The following TINAG variants were observed in gnomAD, a reference collection of about 807,000 sequenced individuals.
TINAG encodes the protein tubulointerstitial nephritis antigen.
TINAG carries 83 observed loss-of-function variants against 72.7 expected under a neutral mutation model. That is an observed-to-expected ratio of 1.14 (90% CI 0.96 to 1.37). The LOEUF is 1.37. Among genes scored for constraint, TINAG ranks in the 40% most tolerant of loss-of-function variants. The pLI is 0.00. For missense variants in TINAG, 685 were observed against 576.6 expected (o/e 1.19, Z -1.93); for synonymous variants, 234 against 189.9 (o/e 1.23, Z -1.91).
chr6:54,371,442 T>C (rs1352131747), intron 9 of TINAG, among the ~76,000 whole-genome samples: 1 of 151,994 alleles, frequency 6.6e-6, no homozygotes, highest in Non-Finnish European at 1.5e-5. Context: ...AAACGTTCTT[T>C]AACTTTTTTA....
chr6:54,347,216 GAATACATA>G (rs985510057), intron 5 of TINAG, 143 bp from the exon 6 acceptor site: 1 of 732,172 alleles, frequency 1.4e-6, no homozygotes. Flanking sequence ...CAACTGTCTG[GAATACATA>G]AATATATTAA....
chr6:54,371,873 G>C (rs944301371), intron 9 of TINAG, among the ~76,000 whole-genome samples: 5 of 151,772 alleles, frequency 3.3e-5, no homozygotes, highest in Non-Finnish European at 7.4e-5. Flanking sequence ...TTCAATTAGG[G>C]AAGGTGATTA....
rs773926586 is a variant in TINAG at position 54,360,839 on chromosome 6, G to GTTTTTTTTTTT, written c.1250+6204_1250+6205insTTTTTTTTTTT. On this transcript the variant is annotated intron_variant, in intron 9 of 10. Coordinates refer to ENST00000259782, the MANE Select transcript of TINAG (RefSeq NM_014464.4). Reference sequence around the variant, plus strand: ...TGGTTTCTTGTGTTTCACAGATACTGTGTTTTTTTTTTTTTTTTTTTTTTT... The same window carrying GTTTTTTTTTTT: ...TGGTTTCTTGTGTTTCACAGATACTGTTTTTTTTTTTTGTTTTTTTTTTTTTTTTTTTTTTT... Among the ~76,000 whole-genome samples, 7 of 16,960 alleles carry GTTTTTTTTTTT rather than the reference G, an allele frequency of 4.1e-4. 1 individual carries two copies. The highest frequency in any genetic ancestry group is 2.3e-3 in the East Asian group (1 of 432). The allele number at this position is 16,960 out of a possible 152,430, so 11.1% of individuals were successfully genotyped here. A position where few individuals can be genotyped will look rare whatever the true frequency, so the allele number is the denominator to read the frequency against.
chr6:54,361,146 C>T (rs551950564), intron 9 of TINAG, among the ~76,000 whole-genome samples: 68 of 151,292 alleles, frequency 4.5e-4, no homozygotes, highest in African/African-American at 1.5e-3. Context: ...ATCAATGGGG[C>T]GTTCTCCCTT....
At chr6:54,372,026 T>G (rs1272920910) in intron 9 of TINAG, among the ~76,000 whole-genome samples, 1 of 120,292 alleles carries the variant, frequency 8.3e-6, no homozygotes, top group Non-Finnish European at 1.7e-5. Flanking sequence ...AGTTTTACCC[T>G]TGTTGCCCAG....
intron 9 of TINAG, among the ~76,000 whole-genome samples, chr6:54,370,561 T>G (rs1763572577): frequency 6.6e-6 from 1 of 152,100 alleles, no homozygotes; most frequent in Non-Finnish European, 1.5e-5. Flanking sequence ...ATCCTGCTAG[T>G]GCTGGAGATA....
chr6:54,351,944 A>T (rs1785275472), intron 8 of TINAG, among the ~76,000 whole-genome samples: 1 of 151,918 alleles, frequency 6.6e-6, no homozygotes, highest in Non-Finnish European at 1.5e-5. Flanking sequence ...TTAGAGTAAC[A>T]GTAAATAATG....
chr6:54,378,760 C>T (rs993836884), intron 9 of TINAG, among the ~76,000 whole-genome samples: 2 of 152,102 alleles, frequency 1.3e-5, no homozygotes, highest in African/African-American at 4.8e-5. Flanking sequence ...GCACCATCCT[C>T]AATGCACCAA....
At chr6:54,322,547 A>G (rs1328535505) in intron 3 of TINAG, among the ~76,000 whole-genome samples, 1 of 152,238 alleles carries the variant, frequency 6.6e-6, no homozygotes. Context: ...AAAGTGAAAT[A>G]ATCTGGAGAA....
chr6:54,337,371 A>G (rs1784891906), intron 4 of TINAG, among the ~76,000 whole-genome samples: 1 of 149,984 alleles, frequency 6.7e-6, no homozygotes, highest in South Asian at 2.1e-4. Context: ...TCCCTGCCTC[A>G]GCCTCCTGAG....
chr6:54,366,277 T>A (rs887365434), intron 9 of TINAG, among the ~76,000 whole-genome samples: 9 of 151,448 alleles, frequency 5.9e-5, no homozygotes, highest in Non-Finnish European at 8.9e-5. Flanking sequence ...TGTGTGTGTG[T>A]GAAAAGGAAA....
At chr6:54,312,044 T>C (rs1271280764) in intron 1 of TINAG, among the ~76,000 whole-genome samples, 2 of 151,040 alleles carry the variant, frequency 1.3e-5, no homozygotes, top group African/African-American at 4.9e-5. Context: ...TTTGTATTGC[T>C]TTTTTTTTGT....
intron 1 of TINAG, among the ~76,000 whole-genome samples, 165 bp from the exon 2 acceptor site, chr6:54,320,414 T>A (rs1784462992): frequency 6.6e-6 from 1 of 152,190 alleles, no homozygotes; most frequent in Non-Finnish European, 1.5e-5. Flanking sequence ...AAGAATTCGA[T>A]ATACACACCT....
At chr6:54,335,028 G>A (rs1472661539) in intron 4 of TINAG, among the ~76,000 whole-genome samples, 1 of 152,068 alleles carries the variant, frequency 6.6e-6, no homozygotes, top group African/African-American at 2.4e-5. Context: ...AAGAAAAGAG[G>A]ACAGACCTTT....
At chr6:54,320,436 T>C in intron 1 of TINAG, 143 bp from the exon 2 acceptor site, 1 of 576,550 alleles carries the variant, frequency 1.7e-6, no homozygotes, top group Non-Finnish European at 3.0e-6. Context: ...GACACAAACC[T>C]GACATGGATT....
At chr6:54,372,729 TATA>T (rs1763660144) in intron 9 of TINAG, among the ~76,000 whole-genome samples, 1 of 2,088 alleles carries the variant, frequency 4.8e-4, no homozygotes, top group Admixed American at 1.1e-3. Flanking sequence ...AATACATACA[TATA>T]TATATATATA....
chr6:54,327,143 A>G (rs1424648791), intron 4 of TINAG: 40 of 1,548,284 alleles, frequency 2.6e-5, no homozygotes, highest in Non-Finnish European at 3.3e-5. Flanking sequence ...TCCTTTAGGA[A>G]TGATTGAATG....
chr6:54,380,394 A>G (rs757160406), intron 9 of TINAG, 132 bp from the exon 10 acceptor site: 3 of 637,722 alleles, frequency 4.7e-6, no homozygotes, highest in Non-Finnish European at 7.8e-6. Context: ...CAATGGTGAT[A>G]TTTCCATTGT....
intron 9 of TINAG, among the ~76,000 whole-genome samples, chr6:54,357,913 GC>G (rs2150964993): frequency 6.6e-6 from 1 of 151,912 alleles, no homozygotes; most frequent in East Asian, 1.9e-4. Flanking sequence ...CAGATTAAAA[GC>G]CAAATTTCTC....
Sources: allele counts gnomAD v4.1 joint callset (sites outside exome capture counted in the v4.1 genomes callset), GRCh38; gene constraint gnomAD v4.1.1; transcripts MANE v1.5; gene names NCBI Gene and HGNC (gene_info 2026-07-23, HGNC 2026-07-21).